The following DVL1 variants were observed in gnomAD, a reference collection of about 807,000 sequenced individuals.
The protein encoded by DVL1 is dishevelled segment polarity protein 1.
Under a neutral mutation model 65.0 loss-of-function variants are expected in DVL1, and 49 were observed. That is an observed-to-expected ratio of 0.75 (90% CI 0.60 to 0.96). The LOEUF (loss-of-function observed/expected upper bound fraction) is 0.96. Among genes scored for constraint, DVL1 ranks in the 40% least tolerant of loss-of-function variants. The probability of loss-of-function intolerance (pLI) is 0.00; values close to 1 mark genes in which losing one functional copy is unlikely to be tolerated. For synonymous variants in DVL1, 608 were observed against 433.9 expected (o/e 1.40, Z -4.99); for missense variants, 1,197 against 1,045.4 (o/e 1.15, Z -2.00).
chr1:1,337,838 G>C (rs936240718), intron 14 of DVL1, 139 bp downstream of exon 14: 61 of 757,914 alleles, frequency 8.0e-5, no homozygotes, highest in Admixed American at 1.2e-4. Context: ...AGAGAAGCAG[G>C]GCGGAGCAGC....
rs773576186 is a variant in DVL1 at position 1,337,868 on chromosome 1, G to GGGGGTGGAGCAGCAGCGGGGT, written c.1714+88_1714+108dup. 859 of 844,878 alleles carry GGGGGTGGAGCAGCAGCGGGGT rather than the reference G, an allele frequency of 1.0e-3. 3 individuals are homozygous for GGGGGTGGAGCAGCAGCGGGGT. The highest frequency in any genetic ancestry group is 1.4e-3 in the Non-Finnish European group (754 of 522,360). 52.3% of individuals were successfully genotyped at this position (844,878 alleles called of 1,614,324 possible). The stretch of plus-strand genomic sequence containing the variant: ...AGCAGCAGCGGGGTGGGGTGGAGCT[G>GGGGGTGGAGCAGCAGCGGGGT]GGGGTGGAGCAGCAGCGGGGTGGGG... On this transcript the variant is annotated intron_variant, in intron 14 of 14. Transcript: ENST00000378888.
At position 1,340,410 on chromosome 1, in the gene DVL1, C is replaced by T; in HGVS notation, c.699G>A (p.Arg233=). The change falls in exon 6 of 15, where the codon CGG becomes CGA. Residue 233 remains arginine, a splice_region_variant and synonymous_variant. Transcript: ENST00000378888. The part of the protein sequence containing the change: ...RRKQRLRQAD[R]ASSFSSITDS... ...CGCCCTGCTCCACCCGGCTGCCTAC[C>T]CGGTCCGCCTGCCGAAGGCGCTGCT... 4 of 1,610,130 alleles carry T rather than the reference C, an allele frequency of 2.5e-6. No homozygotes were observed. Among genetic ancestry groups the T allele is most frequent in the Non-Finnish European group, 3.4e-6 (4 of 1,178,804 alleles).
At chr1:1,337,832 A>C (rs767999045) in intron 14 of DVL1, 145 bp downstream of exon 14, 23 of 748,192 alleles carry the variant, frequency 3.1e-5, no homozygotes, top group African/African-American at 1.6e-4. Context: ...GTCAGCAGAG[A>C]AGCAGGGCGG....
chr1:1,345,510 T>C (rs1643902723), intron 1 of DVL1, among the ~76,000 whole-genome samples: 1 of 152,150 alleles, frequency 6.6e-6, no homozygotes, highest in African/African-American at 2.4e-5. Context: ...CGCGCCTCTG[T>C]AGCAGCCTCC....
chr1:1,340,466 G>C lies in DVL1; in HGVS notation c.643C>G (p.Leu215Val), dbSNP rs746033663. Residue 215 changes from leucine to valine, a missense_variant, in exon 6 of 15, where the codon CTC (leucine) becomes GTC (valine). Leu to Val is a conservative substitution (Grantham distance 32). Coordinates refer to ENST00000378888, the MANE Select transcript of DVL1 (RefSeq NM_001330311.2). ...CGCCGGCGTTTGTGCTTCCGGATGA[G>C]TCTGGATGAGGTGCTCTGCTCCGTG... Reference protein sequence around the residue: ...SSTEQSTSSRLIRKHKRRRRK... With the variant: ...SSTEQSTSSRVIRKHKRRRRK... 2 of 1,611,144 alleles carry C rather than the reference G, an allele frequency of 1.2e-6. No homozygotes were observed. Among genetic ancestry groups the C allele is most frequent in the Non-Finnish European group, 1.7e-6 (2 of 1,179,002 alleles).
intron 11 of DVL1, among the ~76,000 whole-genome samples, chr1:1,339,024 T>C (rs927228309): frequency 2.0e-5 from 3 of 152,140 alleles, no homozygotes; most frequent in Non-Finnish European, 2.9e-5. Flanking sequence ...AATGGAGACC[T>C]GGCCCCTGCC....
At chr1:1,336,838 C>T (rs1253290129) in intron 14 of DVL1, among the ~76,000 whole-genome samples, 1 of 152,138 alleles carries the variant, frequency 6.6e-6, no homozygotes, top group Non-Finnish European at 1.5e-5. Context: ...CCCTCATGCC[C>T]GGTGCCCCCG....
rs756731811 is a variant in DVL1 at position 1,338,024 on chromosome 1, G to T, written c.1667C>A (p.Pro556Gln). 3.7e-6 allele frequency: 6 copies of T among 1,611,960 alleles called. No individual in the cohort carries two copies. Among genetic ancestry groups the T allele is most frequent in the South Asian group, 3.3e-5 (3 of 91,030 alleles). ...GCTGCCGCTGCCATAGCTAAAGCCC[G>T]GGTCCTGGTAGGCAGGCGGGAAGCA... ...PPCFPPAYQD[P>Q]GFSYGSGSTG... Residue 556 changes from proline (P) to glutamine (Q), a missense_variant, in exon 14 of 15, where the codon CCG (proline) becomes CAG (glutamine). By Grantham distance (76) the Pro-to-Gln change is moderately conservative. Coordinates refer to ENST00000378888, the MANE Select transcript of DVL1 (RefSeq NM_001330311.2).
rs375888432 is a variant in DVL1, at chr1:1,338,568, G to C, written c.1293C>G (p.Ile431Met). Residue 431 changes from isoleucine to methionine, a missense_variant, in exon 12 of 15, where the codon ATC becomes ATG. Coordinates refer to ENST00000378888, the MANE Select transcript of DVL1 (RefSeq NM_001330311.2). The part of the protein sequence containing the change: ...VMQLPDSGLE[I>M]RDRMWLKITI... ...TGATCTTGAGCCACATGCGGTCGCG[G>C]ATCTCCAGTCCCGAGTCTGGCAGCT... 1.9e-6 allele frequency: 3 copies of C among 1,612,538 alleles called. No homozygotes were observed. The highest frequency in any genetic ancestry group is 2.7e-5 in the African/African-American group (2 of 75,044).
In DVL1 at chr1:1,336,231, C is replaced by G. The variant is rs1280961716; in HGVS notation, c.1999G>C (p.Ala667Pro). The G allele has an allele frequency of 2.6e-6, 4 of 1,557,612 alleles. No homozygotes were observed. In the Admixed American group the frequency reaches 5.6e-5, roughly 22 times the overall value. The change falls in exon 15 of 15, where the codon GCT becomes CCT. Residue 667 changes from alanine (A) to proline (P), a missense_variant. Physicochemically the swap from Ala to Pro is conservative, Grantham distance 27. Coordinates refer to ENST00000378888, the MANE Select transcript of DVL1 (RefSeq NM_001330311.2). ...CCTGTCAATTCCGGGGGGACGGCAG[C>G]CAGCTCCCGGACAGGGGGTCCCCCG... is the stretch of plus-strand genomic sequence containing the variant. ...PPGGPPVREL[A>P]AVPPELTGSR...
At chr1:1,338,207 G>T in intron 13 of DVL1, 24 bp from the exon 14 acceptor site, 3 of 1,594,646 alleles carry the variant, frequency 1.9e-6, no homozygotes, top group Non-Finnish European at 2.6e-6. Context: ...GTAGGTGAGG[G>T]CCGCGGAGGG....
At position 1,338,380 on chromosome 1, in the gene DVL1, C is replaced by CCCG. The variant is rs1643664527; in HGVS notation, c.1393_1395dup (p.Arg465dup). 1 of 1,612,606 alleles carries CCCG rather than the reference C, an allele frequency of 6.2e-7. No homozygotes were observed. The highest frequency in any genetic ancestry group is 1.3e-5 in the African/African-American group (1 of 74,906). On this transcript the variant is annotated inframe_insertion, in exon 13 of 15. Transcript: ENST00000378888. The stretch of plus-strand genomic sequence containing the variant: ...AAGCTGCTGGCGTACTTCCGGGCCT[C>CCCG]CCGCCGCTCCTTGAAGCCCTCCACG...
At position 1,335,809 on chromosome 1, in the gene DVL1, G is replaced by T; in HGVS notation, c.*333C>A. Reference sequence around the variant, plus strand: ...GGTTGCCCCGCATGGACCACCCTGGGGGCCTGGGCACAGCTGTGCAGGAGG... The same window carrying T: ...GGTTGCCCCGCATGGACCACCCTGGTGGCCTGGGCACAGCTGTGCAGGAGG... On this transcript the variant is annotated 3_prime_UTR_variant, in exon 15 of 15. Coordinates refer to ENST00000378888, the MANE Select transcript of DVL1 (RefSeq NM_001330311.2). 1 of 373,740 alleles carries T rather than the reference G, an allele frequency of 2.7e-6. No individual in the cohort carries two copies. The highest frequency in any genetic ancestry group is 4.9e-6 in the Non-Finnish European group (1 of 204,516). The allele number at this position is 373,740 out of a possible 1,614,324, so 23.2% of individuals were successfully genotyped here.
At chr1:1,347,363 G>A (rs1407095189) in intron 1 of DVL1, among the ~76,000 whole-genome samples, 1 of 152,086 alleles carries the variant, frequency 6.6e-6, no homozygotes, top group Non-Finnish European at 1.5e-5. Flanking sequence ...GCACCCACGC[G>A]TCCTCCAAAT....
intron 11 of DVL1, 159 bp from the exon 12 acceptor site, chr1:1,338,812 G>C (rs529070925): frequency 9.2e-6 from 7 of 762,274 alleles, no homozygotes; most frequent in Non-Finnish European, 1.1e-5. Context: ...ATGCACCCCC[G>C]TGAGGCTGGG....
chr1:1,339,839 C>A (rs1445178498), intron 8 of DVL1, 27 bp from the exon 9 acceptor site: 1 of 1,603,198 alleles, frequency 6.2e-7, no homozygotes. Context: ...TAGGGTGGTG[C>A]AGGCAGGATG....
chr1:1,342,904 G>A (rs748660429), intron 1 of DVL1, 146 bp from the exon 2 acceptor site: 90 of 732,806 alleles, frequency 1.2e-4, no homozygotes, highest in Non-Finnish European at 1.7e-4. Context: ...CTTGGGAACC[G>A]TCCTTCCTCT....
Position 1,335,294 on chromosome 1 carries a change from G to A in DVL1, c.*848C>T, listed in dbSNP as rs970151543. The A allele has an allele frequency of 3.3e-5, 5 of 152,254 alleles. No homozygotes were observed. The highest frequency in any genetic ancestry group is 2.1e-4 in the South Asian group (1 of 4,838). 9.4% of individuals were successfully genotyped at this position (152,254 alleles called of 1,614,324 possible). On this transcript the variant is annotated 3_prime_UTR_variant, in exon 15 of 15. Coordinates refer to ENST00000378888, the MANE Select transcript of DVL1 (RefSeq NM_001330311.2). ...ACACATCTGTCCCATAAAATTAAAC[G>A]CTTTTTAGTGTTTAAAATAAGCAGC...
rs1278187392 is a variant in DVL1 at position 1,336,414 on chromosome 1, G to A, written c.1816C>T (p.His606Tyr). 8 of 1,597,262 alleles carry A rather than the reference G, an allele frequency of 5.0e-6. No homozygotes were observed. The South Asian group carries it at 6.6e-5, about 13-fold the overall frequency. ...GAGGSGSESD[H>Y]TAPSGVGSSW... ...CTCCCCACCCCACTCGGTGCCGTGT[G>A]ATCCGATTCACTGCCACTGCCCCCA... is the stretch of plus-strand genomic sequence containing the variant. The change falls in exon 15 of 15, where the codon CAC becomes TAC. Residue 606 changes from histidine to tyrosine, a missense_variant. Transcript: ENST00000378888.
Sources: allele counts gnomAD v4.1 joint callset (sites outside exome capture counted in the v4.1 genomes callset), GRCh38; gene constraint gnomAD v4.1.1; transcripts MANE v1.5; gene names NCBI Gene and HGNC (gene_info 2026-07-23, HGNC 2026-07-21).